The following RASAL2 variants were observed in gnomAD, a reference collection of about 807,000 sequenced individuals.
The protein encoded by RASAL2 is ras GTPase-activating protein nGAP.
Under a neutral mutation model 128.9 loss-of-function variants are expected in RASAL2, and 58 were observed. The observed-to-expected ratio is 0.45, with a 90% CI of 0.36 to 0.56. The LOEUF (loss-of-function observed/expected upper bound fraction) is 0.56. RASAL2 is among the 20% of genes least tolerant of loss of function. RASAL2 has a pLI of 0.00. For missense variants in RASAL2, 1,360 were observed against 1,601.6 expected (o/e 0.85, Z 2.57); for synonymous variants, 561 against 580.8 (o/e 0.97, Z 0.49).
At chr1:178,327,936 C>G (rs866621763) in intron 3 of RASAL2, among the ~76,000 whole-genome samples, 4 of 152,224 alleles carry the variant, frequency 2.6e-5, no homozygotes, top group South Asian at 2.1e-4. Context: ...AAAGCAGACA[C>G]AAGCCAGGGA....
At chr1:178,166,357 A>G (rs925345736) in intron 1 of RASAL2, among the ~76,000 whole-genome samples, 5 of 151,782 alleles carry the variant, frequency 3.3e-5, no homozygotes, top group Non-Finnish European at 5.9e-5. Context: ...TCATGGAACT[A>G]ATATCTCTTG....
At position 178,478,413 on chromosome 1, in the gene RASAL2, G is replaced by C. The variant is rs1648824943; in HGVS notation, c.*5174G>C. The C allele has an allele frequency of 6.6e-6, 1 of 152,150 alleles. No individual in the cohort carries two copies. Among genetic ancestry groups the C allele is most frequent in the Non-Finnish European group, 1.5e-5 (1 of 68,026 alleles). 9.4% of individuals were successfully genotyped at this position (152,150 alleles called of 1,614,324 possible). On this transcript the variant is annotated 3_prime_UTR_variant, in exon 18 of 18. Coordinates refer to ENST00000367649, the MANE Select transcript of RASAL2 (RefSeq NM_170692.4). ...TAGGTTAAATTTTGACTGGTGCTTA[G>C]ACATTTCCTAGTTATATTAACTTAA...
intron 14 of RASAL2, among the ~76,000 whole-genome samples, chr1:178,463,627 C>T (rs377549099): frequency 6.6e-6 from 1 of 152,132 alleles, no homozygotes; most frequent in Non-Finnish European, 1.5e-5. Flanking sequence ...ATCATGAAGT[C>T]AGTGTTCTGT....
At chr1:178,467,865 A>G (rs1647899170) in intron 17 of RASAL2, among the ~76,000 whole-genome samples, 1 of 152,212 alleles carries the variant, frequency 6.6e-6, no homozygotes, top group African/African-American at 2.4e-5. Context: ...TTGCCAGGGA[A>G]AGACAAGGTT....
chr1:178,458,399 G>A lies in RASAL2; in HGVS notation c.3107G>A (p.Arg1036His), dbSNP rs561944165. The change falls in exon 14 of 18, where the codon CGT becomes CAT. Residue 1036 changes from arginine to histidine, a missense_variant. Around this residue, in one of 3 missense-constraint regions of RASAL2, gnomAD observed 741 missense variants for 868.6 expected, o/e 0.85. Transcript: ENST00000367649. The stretch of plus-strand genomic sequence containing the variant: ...TCCCTGCCACACAGTGCTTCTTTAC[G>A]TAGCACCGGGAGCATGTCAGTGGTG... ...PPSLPHSASL[R>H]STGSMSVVSA... 2.2e-5 allele frequency: 36 copies of A among 1,614,218 alleles called. No homozygotes were observed. The highest frequency in any genetic ancestry group is 3.3e-4 in the Middle Eastern group (2 of 6,062).
At chr1:178,208,236 G>A (rs1297305584) in intron 1 of RASAL2, among the ~76,000 whole-genome samples, 1 of 152,136 alleles carries the variant, frequency 6.6e-6, no homozygotes. Context: ...GCAGGGTTGG[G>A]CAAAAACAGC....
intron 1 of RASAL2, among the ~76,000 whole-genome samples, chr1:178,111,144 C>G (rs1659304987): frequency 1.3e-5 from 2 of 152,094 alleles, no homozygotes; most frequent in South Asian, 4.1e-4. Flanking sequence ...AGTATCCCAT[C>G]GATATTCTAC....
intron 1 of RASAL2, among the ~76,000 whole-genome samples, chr1:178,198,962 G>A (rs1217899356): frequency 2.0e-5 from 3 of 152,164 alleles, no homozygotes; most frequent in South Asian, 2.1e-4. Context: ...ATTGAGCTGC[G>A]GTGGGCTCCA....
chr1:178,156,308 A>G (rs1230930441), intron 1 of RASAL2, among the ~76,000 whole-genome samples: 1 of 152,186 alleles, frequency 6.6e-6, no homozygotes, highest in African/African-American at 2.4e-5. Flanking sequence ...TAAACTTTAT[A>G]TGTTATAAAA....
intron 3 of RASAL2, among the ~76,000 whole-genome samples, chr1:178,309,648 A>G (rs1668145074): frequency 6.6e-6 from 1 of 152,164 alleles, no homozygotes; most frequent in South Asian, 2.1e-4. Context: ...TTCTGTTATA[A>G]TATGACATAC....
rs188144524 is a variant in RASAL2, at chr1:178,179,253, A to T, written c.202+84559A>T. Among the ~76,000 whole-genome samples the T allele has an allele frequency of 3.0e-4, 46 of 152,262 alleles. 1 individual carries two copies. The highest frequency in any genetic ancestry group is 3.4e-4 in the Non-Finnish European group (23 of 68,008). The stretch of plus-strand genomic sequence containing the variant: ...CTGAAGTCAGTGAAGGGGATTTGGG[A>T]AGAAGAGATGAGCACAATTGGTTCT... On this transcript the variant is annotated intron_variant, in intron 1 of 17. Coordinates refer to ENST00000367649, the MANE Select transcript of RASAL2 (RefSeq NM_170692.4).
Position 178,465,995 on chromosome 1 carries a change from T to C in RASAL2, c.3463T>C (p.Leu1155=), listed in dbSNP as rs1180074091. Residue 1155 remains leucine, a synonymous_variant, in exon 16 of 18, where the codon TTG becomes CTG. Transcript: ENST00000367649. ...GCGACTGGAGGAATATGAACGCCGC[T>C]TGCTGGTGCAGGAGCAGCAGATGCA... is the stretch of plus-strand genomic sequence containing the variant. ...SRRLEEYERR[L]LVQEQQMQKL... is the part of the protein sequence containing the mutation. 6.4e-7 allele frequency: 1 copy of C among 1,561,652 alleles called. No individual in the cohort carries two copies. Among genetic ancestry groups the C allele is most frequent in the African/African-American group, 1.4e-5 (1 of 73,688 alleles).
At chr1:178,142,386 T>G (rs1464669781) in intron 1 of RASAL2, among the ~76,000 whole-genome samples, 1 of 152,102 alleles carries the variant, frequency 6.6e-6, no homozygotes, top group Non-Finnish European at 1.5e-5. Context: ...TGGGGACAGG[T>G]TCCCTGTAAT....
chr1:178,459,201 TAA>T (rs937497215), intron 14 of RASAL2, among the ~76,000 whole-genome samples: 12 of 152,154 alleles, frequency 7.9e-5, no homozygotes, highest in African/African-American at 2.9e-4. Context: ...AATCTTAATA[TAA>T]GTTTTTCTAA....
At chr1:178,472,075 T>C (rs1039011105) in intron 17 of RASAL2, among the ~76,000 whole-genome samples, 9 of 152,356 alleles carry the variant, frequency 5.9e-5, no homozygotes, top group African/African-American at 1.9e-4. Context: ...ATAGACTTCA[T>C]GTTAGAAAGG....
chr1:178,292,762 G>A (rs1313337332), intron 2 of RASAL2, among the ~76,000 whole-genome samples: 3 of 152,090 alleles, frequency 2.0e-5, no homozygotes, highest in Admixed American at 2.0e-4. Flanking sequence ...CAGAGGTACA[G>A]CCATTATAAA....
chr1:178,430,784 A>T (rs905208299), intron 5 of RASAL2, among the ~76,000 whole-genome samples: 3 of 152,018 alleles, frequency 2.0e-5, no homozygotes, highest in African/African-American at 7.2e-5. Context: ...GCTGATGTGA[A>T]TATGTAGGGC....
intron 1 of RASAL2, among the ~76,000 whole-genome samples, chr1:178,255,285 A>G (rs911378346): frequency 6.6e-6 from 1 of 152,154 alleles, no homozygotes; most frequent in Non-Finnish European, 1.5e-5. Context: ...AGTAAAGCTA[A>G]TTATGTAATT....
intron 5 of RASAL2, among the ~76,000 whole-genome samples, chr1:178,429,357 A>G (rs961321601): frequency 6.6e-6 from 1 of 152,050 alleles, no homozygotes; most frequent in Non-Finnish European, 1.5e-5. Context: ...CCCTCTATGT[A>G]TCTTTTACCC....
Sources: gnomAD v4.1 joint callset for allele counts (sites outside exome capture counted in the v4.1 genomes callset) on GRCh38, gnomAD v4.1.1 for gene constraint, gnomAD v4.1.1 regional missense constraint, MANE v1.5 for transcripts, NCBI Gene and HGNC (gene_info 2026-07-23, HGNC 2026-07-21) for gene names.